The following MAPT variants were observed in gnomAD, a reference collection of about 807,000 sequenced individuals.
The protein encoded by MAPT is microtubule-associated protein tau.
In MAPT, 34 loss-of-function variants were observed where a neutral mutation model predicts 67.9. The ratio of observed to expected loss-of-function variants is 0.50; its 90% CI spans 0.38 to 0.67. The LOEUF is 0.67. Among genes scored for constraint, MAPT ranks in the 30% least tolerant of loss-of-function variants. The pLI is 0.00. For synonymous variants in MAPT, 456 were observed against 464.5 expected, an observed-to-expected ratio of 0.98 and a Z score of 0.23; for missense variants, 881 against 1,115.2, an observed-to-expected ratio of 0.79 and a Z score of 2.99.
intron 9 of MAPT, among the ~76,000 whole-genome samples, chr17:46,003,510 C>T (rs574512226): frequency 4.9e-4 from 75 of 152,196 alleles, no homozygotes; most frequent in African/African-American, 1.7e-3. Context: ...AACTCCTGGC[C>T]TCAGGTGATC....
intron 1 of MAPT, among the ~76,000 whole-genome samples, chr17:45,951,796 T>C (rs2069111573): frequency 6.6e-6 from 1 of 152,126 alleles, no homozygotes; most frequent in African/African-American, 2.4e-5. Context: ...GTGTCCAGGT[T>C]TCACTCAACT....
At chr17:46,002,988 C>T (rs2471739) in intron 9 of MAPT, among the ~76,000 whole-genome samples, 114,564 of 151,906 alleles carry the variant, frequency 0.75, 43,801 homozygotes, top group African/African-American at 0.79. Flanking sequence ...TTCACTGTGT[C>T]GCCCAGGATG....
At chr17:45,972,400 G>A (rs750261881) in intron 3 of MAPT, among the ~76,000 whole-genome samples, 2 of 152,178 alleles carry the variant, frequency 1.3e-5, no homozygotes, top group African/African-American at 2.4e-5. Flanking sequence ...CACGGTGTTT[G>A]TTCCAGCCCT....
chr17:45,936,247 C>A (rs1352379208), intron 1 of MAPT, among the ~76,000 whole-genome samples: 2 of 152,212 alleles, frequency 1.3e-5, no homozygotes, highest in Non-Finnish European at 2.9e-5. Flanking sequence ...TTAGTTCATG[C>A]CTTCCTCATA....
intron 1 of MAPT, among the ~76,000 whole-genome samples, chr17:45,927,440 C>T (rs1021200273): frequency 7.2e-5 from 11 of 152,110 alleles, no homozygotes; most frequent in East Asian, 3.9e-4. Flanking sequence ...GTTCTATTCA[C>T]GGCCAAAGTC....
intron 1 of MAPT, among the ~76,000 whole-genome samples, chr17:45,941,420 A>G (rs566818913): frequency 1.3e-5 from 2 of 151,954 alleles, no homozygotes; most frequent in African/African-American, 4.8e-5. Flanking sequence ...CAGACTTCTC[A>G]TTTCCTGGGT....
intron 1 of MAPT, among the ~76,000 whole-genome samples, chr17:45,937,351 G>T (rs2067431108): frequency 6.6e-6 from 1 of 152,158 alleles, no homozygotes; most frequent in Admixed American, 6.6e-5. Context: ...ACTTTGGGAG[G>T]CTGAGGCAGG....
At chr17:45,978,118 G>A in intron 3 of MAPT, 1 of 524,950 alleles carries the variant, frequency 1.9e-6, no homozygotes, top group Non-Finnish European at 3.4e-6. Flanking sequence ...TGGTCCCAAA[G>A]TGGAGAAAGT....
chr17:46,016,101 G>A (rs1053620370), intron 11 of MAPT, among the ~76,000 whole-genome samples: 2 of 152,132 alleles, frequency 1.3e-5, no homozygotes, highest in African/African-American at 4.8e-5. Context: ...AACAGAAAAT[G>A]ATGCTCTGGG....
intron 10 of MAPT, among the ~76,000 whole-genome samples, 159 bp from the exon 11 acceptor site, chr17:46,014,084 T>C (rs1303495215): frequency 6.6e-6 from 1 of 152,208 alleles, no homozygotes; most frequent in Non-Finnish European, 1.5e-5. Flanking sequence ...GTGCTCCTCA[T>C]GGCAGCTGGG....
chr17:45,946,615 A>AATATATATATATAT (rs1177094945), intron 1 of MAPT, among the ~76,000 whole-genome samples: 12 of 100,402 alleles, frequency 1.2e-4, no homozygotes, highest in South Asian at 2.7e-4. Flanking sequence ...AAAAAAAAAA[A>AATATATATATATAT]ATATATATAT....
intron 1 of MAPT, among the ~76,000 whole-genome samples, chr17:45,953,325 A>G (rs1323004902): frequency 6.6e-6 from 1 of 152,208 alleles, no homozygotes. Flanking sequence ...GCTCCTGAAA[A>G]TGGGCTTGTC....
At chr17:46,021,267 C>T (rs2076511369) in intron 12 of MAPT, among the ~76,000 whole-genome samples, 1 of 152,208 alleles carries the variant, frequency 6.6e-6, no homozygotes, top group Non-Finnish European at 1.5e-5. Flanking sequence ...TTTTCAGCGG[C>T]TGGGTCGCTA....
Position 46,026,720 on chromosome 17 carries a change from A to G in MAPT, c.*2549A>G, listed in dbSNP as rs1205929310. ...CTGCCTGAGGAAGGATGACTTGACAAGTCAGGAGACACTGTTCCCAAAGCC... is the reference window on the plus strand; with the variant it reads ...CTGCCTGAGGAAGGATGACTTGACAGGTCAGGAGACACTGTTCCCAAAGCC... On this transcript the variant is annotated 3_prime_UTR_variant, in exon 13 of 13. Transcript: ENST00000262410. 3 of 152,460 alleles carry G rather than the reference A, an allele frequency of 2.0e-5. No individual in the cohort carries two copies. Among genetic ancestry groups the G allele is most frequent in the Non-Finnish European group, 2.9e-5 (2 of 68,212 alleles). The allele number at this position is 152,460 out of a possible 1,614,324, so 9.4% of individuals were successfully genotyped here. A position where few individuals can be genotyped will look rare whatever the true frequency, so the allele number is the denominator to read the frequency against.
At chr17:45,956,589 TA>T (rs1568231007) in intron 1 of MAPT, among the ~76,000 whole-genome samples, 15 of 23,600 alleles carry the variant, frequency 6.4e-4, no homozygotes, top group African/African-American at 1.8e-3. Context: ...TATATATATA[TA>T]TATATATATA....
chr17:46,024,187 G>A lies in MAPT; in HGVS notation c.*16G>A, dbSNP rs377361287. ...GGGTTTGTGATCAGGCCCCTGGGGC[G>A]GTCAATAATTGTGGAGAGGAGAGAA... On this transcript the variant is annotated 3_prime_UTR_variant, in exon 13 of 13. Coordinates refer to ENST00000262410, the MANE Select transcript of MAPT (RefSeq NM_001377265.1). 1.2e-5 allele frequency: 19 copies of A among 1,609,394 alleles called. No individual in the cohort carries two copies. Among genetic ancestry groups the A allele is most frequent in the Admixed American group, 5.0e-5 (3 of 59,980 alleles).
chr17:45,961,095 T>C (rs976508523), intron 1 of MAPT, among the ~76,000 whole-genome samples: 9 of 151,700 alleles, frequency 5.9e-5, no homozygotes, highest in Non-Finnish European at 1.5e-5. Context: ...CCGAATTGGC[T>C]GGCTCACCTG....
chr17:45,901,914 CTTT>C (rs55738902), intron 1 of MAPT, among the ~76,000 whole-genome samples: 1 of 132,114 alleles, frequency 7.6e-6, no homozygotes, highest in African/African-American at 2.8e-5. Flanking sequence ...AGGGATTTTA[CTTT>C]TTTTTTTTTT....
chr17:46,015,166 C>T (rs1316076163), intron 11 of MAPT, among the ~76,000 whole-genome samples: 4 of 152,058 alleles, frequency 2.6e-5, no homozygotes, highest in Non-Finnish European at 4.4e-5. Flanking sequence ...TTGAGACCAG[C>T]CTGGCCAACA....
Sources: allele counts gnomAD v4.1 joint callset (sites outside exome capture counted in the v4.1 genomes callset), GRCh38; gene constraint gnomAD v4.1.1; transcripts MANE v1.5; gene names NCBI Gene and HGNC (gene_info 2026-07-23, HGNC 2026-07-21).